The following C15orf40 variants were observed in gnomAD, a reference collection of about 807,000 sequenced individuals.
C15orf40 encodes the protein UPF0235 protein C15orf40.
C15orf40 carries 9 observed loss-of-function variants against 13.9 expected under a neutral mutation model. The ratio of observed to expected loss-of-function variants is 0.65; its 90% CI spans 0.39 to 1.13. C15orf40 has a LOEUF of 1.13. C15orf40 is among the 50% of genes most tolerant of loss of function. The pLI is 0.01. For synonymous variants in C15orf40, 95 were observed against 69.2 expected, an observed-to-expected ratio of 1.37 and a Z score of -1.85; for missense variants, 225 against 188.5, an observed-to-expected ratio of 1.19 and a Z score of -1.13.
At position 83,010,334 on chromosome 15, in the gene C15orf40, T is replaced by C. The variant is rs116595247; in HGVS notation, c.141A>G (p.Arg47=). 1.3e-4 allele frequency: 206 copies of C among 1,614,086 alleles called. No individual in the cohort carries two copies. The African/African-American group carries it at 2.7e-3, about 21-fold the overall frequency. Residue 47 remains arginine, a synonymous_variant, in exon 2 of 4, where the codon AGA becomes AGG. Transcript: ENST00000304177. ...KGKSQSKEPE[R]PLPPLGPVAV... ...CCACAGGACCTAAGGGAGGAAGTGG[T>C]CTCTCTGGTTCCTTGCTCTGGCTTT... is the stretch of plus-strand genomic sequence containing the variant.
At chr15:82,989,242 A>C (rs2030756739), downstream of C15orf40, 2 of 1,578,034 alleles carry the variant, frequency 1.3e-6, no homozygotes, top group South Asian at 1.2e-5. Flanking sequence ...GGATAGCTTT[A>C]ATCTGCTAGA....
downstream of C15orf40, among the ~76,000 whole-genome samples, chr15:82,989,428 G>T (rs549676241): frequency 1.3e-5 from 2 of 152,050 alleles, no homozygotes; most frequent in Non-Finnish European, 2.9e-5. Flanking sequence ...TGTTTTTTCT[G>T]TAGACTAATA....
rs1398205763 is a variant in C15orf40 at position 83,003,430 on chromosome 15, A to G, written c.*2167T>C. 1 of 152,116 alleles carries G rather than the reference A, an allele frequency of 6.6e-6. No individual in the cohort carries two copies. The highest frequency in any genetic ancestry group is 1.9e-4 in the East Asian group (1 of 5,186). The allele number at this position is 152,116 out of a possible 1,614,324, so 9.4% of individuals were successfully genotyped here. A position where few individuals can be genotyped will look rare whatever the true frequency, so the allele number is the denominator to read the frequency against. ...GTGTGAGCTACCATGCCCGGCCAGG[A>G]AAGTTGATCTTTTATGATATCATTT... On this transcript the variant is annotated 3_prime_UTR_variant, in exon 4 of 4. Coordinates refer to ENST00000304177, the MANE Select transcript of C15orf40 (RefSeq NM_144597.3).
chr15:82,994,022 C>T (rs2030958518), downstream of C15orf40, among the ~76,000 whole-genome samples: 2 of 152,090 alleles, frequency 1.3e-5, no homozygotes, highest in Admixed American at 6.6e-5. Flanking sequence ...ACTTGAGTCA[C>T]TGCTCTGAGA....
chr15:82,991,824 G>GT (rs1296310872), downstream of C15orf40: 2 of 1,195,982 alleles, frequency 1.7e-6, no homozygotes, highest in Non-Finnish European at 2.2e-6. Context: ...AGCCAGTGCT[G>GT]TTATATAAAG....
At chr15:82,989,073 T>G, downstream of C15orf40, 1 of 1,613,780 alleles carries the variant, frequency 6.2e-7, no homozygotes, top group South Asian at 1.1e-5. Context: ...TGCTAGTAGA[T>G]TCACAGAAAA....
chr15:83,003,072 A>AGC lies in C15orf40; in HGVS notation c.*2523_*2524dup, dbSNP rs2031486050. The AGC allele has an allele frequency of 6.6e-6, 1 of 151,290 alleles. No homozygotes were observed. The highest frequency in any genetic ancestry group is 1.5e-5 in the Non-Finnish European group (1 of 68,100). 9.4% of individuals were successfully genotyped at this position (151,290 alleles called of 1,614,324 possible). The stretch of plus-strand genomic sequence containing the variant: ...TGATCTGCCTGCCTCGGCCTCCCAA[A>AGC]GCGCTGGAATTACAGGCGTAAGCCA... On this transcript the variant is annotated 3_prime_UTR_variant, in exon 4 of 4. Transcript: ENST00000304177.
chr15:82,992,673 A>T (rs2030912111), downstream of C15orf40, among the ~76,000 whole-genome samples: 1 of 152,196 alleles, frequency 6.6e-6, no homozygotes, highest in South Asian at 2.1e-4. Context: ...CCAGCGCTGG[A>T]GGAGTACTTC....
At position 83,004,842 on chromosome 15, in the gene C15orf40, A is replaced by C; in HGVS notation, c.*755T>G. 7.8e-7 allele frequency: 1 copy of C among 1,288,392 alleles called. No individual in the cohort carries two copies. The highest frequency in any genetic ancestry group is 1.0e-6 in the Non-Finnish European group (1 of 978,406). The allele number at this position is 1,288,392 out of a possible 1,614,324, so 79.8% of individuals were successfully genotyped here. A position where few individuals can be genotyped will look rare whatever the true frequency, so the allele number is the denominator to read the frequency against. On this transcript the variant is annotated 3_prime_UTR_variant, in exon 4 of 4. Coordinates refer to ENST00000304177, the MANE Select transcript of C15orf40 (RefSeq NM_144597.3). ...AACTGGATTAGAAGGCAATCCCCAG[A>C]ATTCCAGAACCGTTGTGGAGATATG...
In C15orf40 at chr15:83,002,957, A is replaced by C. The variant is rs1350666666; in HGVS notation, c.*2640T>G. ...CTCCCGAGTAGCTGGGATTACAAGC[A>C]TCTGCCACTATGCCCAGGTAACTTT... On this transcript the variant is annotated 3_prime_UTR_variant, in exon 4 of 4. Transcript: ENST00000304177. The C allele has an allele frequency of 6.6e-6, 1 of 152,206 alleles. No individual in the cohort carries two copies. The allele number at this position is 152,206 out of a possible 1,614,324, so 9.4% of individuals were successfully genotyped here.
At chr15:82,989,702 A>G (rs2030777003), downstream of C15orf40, among the ~76,000 whole-genome samples, 1 of 152,252 alleles carries the variant, frequency 6.6e-6, no homozygotes, top group Non-Finnish European at 1.5e-5. Context: ...TACTGGAAGA[A>G]TGATTTCAAT....
intron 2 of C15orf40, among the ~76,000 whole-genome samples, chr15:83,009,746 C>T (rs974862421): frequency 6.6e-6 from 1 of 152,140 alleles, no homozygotes; most frequent in African/African-American, 2.4e-5. Context: ...CTAACTTAGT[C>T]CAACGATCTC....
chr15:83,005,177 A>G lies in C15orf40; in HGVS notation c.*420T>C, dbSNP rs2031607483. The G allele has an allele frequency of 9.6e-7, 1 of 1,041,248 alleles. No individual in the cohort carries two copies. Among genetic ancestry groups the G allele is most frequent in the Non-Finnish European group, 1.2e-6 (1 of 861,482 alleles). 64.5% of individuals were successfully genotyped at this position (1,041,248 alleles called of 1,614,324 possible). Reference sequence around the variant, plus strand: ...ACTTTTTGGAGTCTTATTCGAATATATACATATATATATGTCCCCCATGTT... The same window carrying G: ...ACTTTTTGGAGTCTTATTCGAATATGTACATATATATATGTCCCCCATGTT... On this transcript the variant is annotated 3_prime_UTR_variant, in exon 4 of 4. Transcript: ENST00000304177.
At position 83,008,688 on chromosome 15, in the gene C15orf40, T is replaced by C. The variant is rs769973930; in HGVS notation, c.239-13A>G. ...TCTGCTGTCAAATCTGGAATGAAAATAGTGTGGACTTTATCCTTAAGGAGT... is the reference window on the plus strand; with the variant it reads ...TCTGCTGTCAAATCTGGAATGAAAACAGTGTGGACTTTATCCTTAAGGAGT... On this transcript the variant is annotated splice_polypyrimidine_tract_variant and intron_variant, in intron 2 of 3. Transcript: ENST00000304177. 6.9e-6 allele frequency: 11 copies of C among 1,591,224 alleles called. No homozygotes were observed. The African/African-American group carries it at 1.4e-4, about 20-fold the overall frequency.
chr15:83,011,446 A>C (rs2032007119), intron 1 of C15orf40, 51 bp downstream of exon 1: 1 of 1,539,896 alleles, frequency 6.5e-7, no homozygotes, highest in Non-Finnish European at 8.8e-7. Context: ...GCGCTCTTCA[A>C]CAAGTACCCC....
At chr15:83,010,172 A>G in intron 2 of C15orf40, 65 bp downstream of exon 2, 1 of 1,593,300 alleles carries the variant, frequency 6.3e-7, no homozygotes. Flanking sequence ...AGCTAACCAA[A>G]GCAAAGGAGG....
rs754916611 is a variant in C15orf40 at position 83,004,876 on chromosome 15, T to C, written c.*721A>G. On this transcript the variant is annotated 3_prime_UTR_variant, in exon 4 of 4. Transcript: ENST00000304177. ...ACCGTTGTGGAGATATGATTTTTAA[T>C]TTACAATCTAGAAAAACTGCATTCA... 1.2e-4 allele frequency: 154 copies of C among 1,303,758 alleles called. No individual in the cohort carries two copies. The highest frequency in any genetic ancestry group is 1.5e-4 in the Non-Finnish European group (145 of 988,104). The allele number at this position is 1,303,758 out of a possible 1,614,324, so 80.8% of individuals were successfully genotyped here.
Position 83,004,341 on chromosome 15 carries a change from T to C in C15orf40, c.*1256A>G, listed in dbSNP as rs1264083232. ...TGTTTTTAATGATTTGGTCCATCAA[T>C]ACATCTTTCTCATGTACTTGCTGGA... is the stretch of plus-strand genomic sequence containing the variant. On this transcript the variant is annotated 3_prime_UTR_variant, in exon 4 of 4. Transcript: ENST00000304177. 2.0e-6 allele frequency: 2 copies of C among 985,294 alleles called. No homozygotes were observed. Among genetic ancestry groups the C allele is most frequent in the Non-Finnish European group, 2.4e-6 (2 of 829,936 alleles). 61.0% of individuals were successfully genotyped at this position (985,294 alleles called of 1,614,324 possible).
chr15:82,995,375 A>G lies in C15orf40; in HGVS notation c.*10222T>C, dbSNP rs1421813048. On this transcript the variant is annotated 3_prime_UTR_variant, in exon 4 of 4. Transcript: ENST00000304177. Reference sequence around the variant, plus strand: ...AAACATCTTGCTTCTGAGGAATTCAATTATCAGTGCTGTCAGATTAGAAAA... The same window carrying G: ...AAACATCTTGCTTCTGAGGAATTCAGTTATCAGTGCTGTCAGATTAGAAAA... 2.0e-5 allele frequency: 3 copies of G among 152,388 alleles called. No homozygotes were observed. In the East Asian group the frequency reaches 5.8e-4, roughly 29 times the overall value. The allele number at this position is 152,388 out of a possible 1,614,324, so 9.4% of individuals were successfully genotyped here. A position where few individuals can be genotyped will look rare whatever the true frequency, so the allele number is the denominator to read the frequency against.
Sources: allele counts gnomAD v4.1 joint callset (sites outside exome capture counted in the v4.1 genomes callset), GRCh38; gene constraint gnomAD v4.1.1; transcripts MANE v1.5; gene names NCBI Gene and HGNC (gene_info 2026-07-23, HGNC 2026-07-21).